CSMD3: variants seen among roughly 807,000 people sequenced by gnomAD.
CSMD3 encodes the protein CUB and sushi domain-containing protein 3.
In CSMD3, 177 loss-of-function variants were observed where a neutral mutation model predicts 435.2. The ratio of observed to expected loss-of-function variants is 0.41; its 90% CI spans 0.36 to 0.46. CSMD3 has a LOEUF of 0.46. Among genes scored for constraint, CSMD3 ranks in the 20% least tolerant of loss-of-function variants. The pLI is 0.34. For synonymous variants in CSMD3, 1,656 were observed against 1,520.5 expected, an observed-to-expected ratio of 1.09 and a Z score of -2.07; for missense variants, 4,265 against 4,504.6, an observed-to-expected ratio of 0.95 and a Z score of 1.52.
intron 36 of CSMD3, among the ~76,000 whole-genome samples, chr8:112,389,862 T>C (rs867196660): frequency 1.3e-5 from 2 of 152,190 alleles, no homozygotes; most frequent in Admixed American, 6.5e-5. Context: ...AGAAAAAATA[T>C]ATATCTTTAT....
rs561010279 is a variant in CSMD3 at position 112,722,295 on chromosome 8, T to A, written c.1973-32245A>T. ...CAAATTAATTAGATCTTAGGTTTTTTAAAAAAAAAGGCTATACCAGACCTT... is the reference window on the plus strand; with the variant it reads ...CAAATTAATTAGATCTTAGGTTTTTAAAAAAAAAAGGCTATACCAGACCTT... On this transcript the variant is annotated intron_variant, in intron 13 of 70. Transcript: ENST00000297405. Among the ~76,000 whole-genome samples the A allele has an allele frequency of 8.6e-5, 13 of 151,612 alleles. No homozygotes were observed. The South Asian group carries it at 1.5e-3, about 17-fold the overall frequency.
intron 1 of CSMD3, among the ~76,000 whole-genome samples, chr8:113,360,506 T>C (rs2094265895): frequency 6.6e-6 from 1 of 151,838 alleles, no homozygotes; most frequent in Non-Finnish European, 1.5e-5. Flanking sequence ...CATGTAAAAG[T>C]GATGACACTA....
At chr8:112,255,935 T>G (rs532414244) in intron 61 of CSMD3, 1 of 152,834 alleles carries the variant, frequency 6.5e-6, no homozygotes, top group South Asian at 2.1e-4. Context: ...CCCAGAAACT[T>G]ATTGCCTTCC....
intron 24 of CSMD3, 125 bp from the exon 25 acceptor site, chr8:112,557,079 C>T (rs1321916633): frequency 6.2e-6 from 4 of 645,006 alleles, no homozygotes; most frequent in Non-Finnish European, 1.1e-5. Flanking sequence ...ATTGCCCTTA[C>T]CATATTTAAT....
At chr8:112,643,328 C>T (rs758769710) in intron 20 of CSMD3, among the ~76,000 whole-genome samples, 4 of 152,054 alleles carry the variant, frequency 2.6e-5, no homozygotes, top group Non-Finnish European at 5.9e-5. Context: ...TCTGAAACAC[C>T]ATACGGAGAA....
chr8:112,625,186 G>C (rs1308979272), intron 22 of CSMD3, among the ~76,000 whole-genome samples: 5 of 152,018 alleles, frequency 3.3e-5, no homozygotes, highest in Admixed American at 3.3e-4. Flanking sequence ...TTAGACCCTA[G>C]TCAGTGGAGT....
intron 1 of CSMD3, among the ~76,000 whole-genome samples, chr8:113,395,956 T>C (rs2094481717): frequency 6.6e-6 from 1 of 152,198 alleles, no homozygotes; most frequent in African/African-American, 2.4e-5. Flanking sequence ...ATATCATCCA[T>C]TCCTTCTCTC....
At chr8:112,268,524 CTTTTTT>C (rs1817169142) in intron 59 of CSMD3, among the ~76,000 whole-genome samples, 2 of 152,124 alleles carry the variant, frequency 1.3e-5, no homozygotes, top group Non-Finnish European at 2.9e-5. Flanking sequence ...ACAGGATTCA[CTTTTTT>C]ATTCAATATC....
chr8:112,491,531 T>A (rs1228380729), intron 31 of CSMD3, among the ~76,000 whole-genome samples: 1 of 151,940 alleles, frequency 6.6e-6, no homozygotes, highest in Non-Finnish European at 1.5e-5. Flanking sequence ...GCACCTGTAA[T>A]CCCAGTCATT....
chr8:113,220,960 T>A (rs72687661), intron 3 of CSMD3, among the ~76,000 whole-genome samples: 15,741 of 151,256 alleles, frequency 0.1, 959 homozygotes, highest in Middle Eastern at 0.17. Context: ...AAACCCCAAA[T>A]AATAAAAGTT....
intron 12 of CSMD3, among the ~76,000 whole-genome samples, chr8:112,813,520 C>T (rs923277464): frequency 6.6e-6 from 1 of 151,970 alleles, no homozygotes; most frequent in Non-Finnish European, 1.5e-5. Context: ...GGGCAGTTAA[C>T]ATTACTTTTA....
At chr8:113,359,282 A>T (rs1328823658) in intron 1 of CSMD3, among the ~76,000 whole-genome samples, 1 of 152,180 alleles carries the variant, frequency 6.6e-6, no homozygotes, top group Non-Finnish European at 1.5e-5. Flanking sequence ...AGAAGTAGTC[A>T]TTACATCCCA....
intron 10 of CSMD3, among the ~76,000 whole-genome samples, chr8:112,916,450 C>T (rs898010124): frequency 4.0e-5 from 6 of 151,530 alleles, no homozygotes; most frequent in Non-Finnish European, 2.9e-5. Flanking sequence ...AAGCTTCACA[C>T]TATGGCTTTT....
chr8:112,627,680 A>G (rs935076975), intron 22 of CSMD3, among the ~76,000 whole-genome samples: 4 of 152,154 alleles, frequency 2.6e-5, no homozygotes, highest in Non-Finnish European at 4.4e-5. Flanking sequence ...AAACTCAAAA[A>G]TTTTTATCCA....
chr8:112,811,367 T>G (rs544974104), intron 12 of CSMD3, among the ~76,000 whole-genome samples: 1 of 151,772 alleles, frequency 6.6e-6, no homozygotes, highest in Admixed American at 6.6e-5. Flanking sequence ...AGATGCTTTC[T>G]TTTTCTTTCA....
At chr8:112,342,717 T>C (rs1381334714) in intron 41 of CSMD3, among the ~76,000 whole-genome samples, 4 of 151,870 alleles carry the variant, frequency 2.6e-5, no homozygotes, top group African/African-American at 9.7e-5. Flanking sequence ...GCGCATCATG[T>C]TACTAAATGA....
chr8:112,712,478 A>C (rs1395620441), intron 13 of CSMD3, among the ~76,000 whole-genome samples: 1 of 152,148 alleles, frequency 6.6e-6, no homozygotes, highest in African/African-American at 2.4e-5. Flanking sequence ...TGGGACAGTG[A>C]GGAGATTGTC....
At chr8:112,226,617 AT>A (rs1812581879) in intron 70 of CSMD3, among the ~76,000 whole-genome samples, 1 of 152,222 alleles carries the variant, frequency 6.6e-6, no homozygotes. Context: ...GACAGTGAAA[AT>A]ACAACCCACG....
intron 1 of CSMD3, chr8:113,376,667 T>A: frequency 3.2e-6 from 5 of 1,563,006 alleles, no homozygotes; most frequent in African/African-American, 1.4e-5. Context: ...GGAGGCGCCA[T>A]CATGGGAGTT....
Sources: gnomAD v4.1 joint callset for allele counts (sites outside exome capture counted in the v4.1 genomes callset) on GRCh38, gnomAD v4.1.1 for gene constraint, MANE v1.5 for transcripts, NCBI Gene and HGNC (gene_info 2026-07-23, HGNC 2026-07-21) for gene names.